CDH13: variants seen among roughly 807,000 people sequenced by gnomAD.
CDH13 encodes cadherin-13.
In CDH13, 24 loss-of-function variants were observed where a neutral mutation model predicts 63.8. The observed-to-expected ratio is 0.38, with a 90% CI of 0.27 to 0.53. The LOEUF (loss-of-function observed/expected upper bound fraction) is 0.53, where lower values mean the gene tolerates loss of function less well. Among genes scored for constraint, CDH13 ranks in the 20% least tolerant of loss-of-function variants. CDH13 has a pLI of 0.85. For synonymous variants in CDH13, 503 were observed against 355.3 expected, an observed-to-expected ratio of 1.42 and a Z score of -4.67; for missense variants, 1,049 against 903.1, an observed-to-expected ratio of 1.16 and a Z score of -2.07.
intron 11 of CDH13, among the ~76,000 whole-genome samples, chr16:83,754,579 A>G (rs1017267993): frequency 9.2e-5 from 14 of 152,306 alleles, no homozygotes; most frequent in African/African-American, 3.4e-4. Context: ...GAGATAATTG[A>G]ATCATGGGGG....
chr16:82,998,862 CTTTT>C (rs200853526), intron 2 of CDH13, among the ~76,000 whole-genome samples: 6 of 128,554 alleles, frequency 4.7e-5, no homozygotes, highest in African/African-American at 6.0e-5. Flanking sequence ...CCCCTTGATC[CTTTT>C]TTTTTTTTTT....
At chr16:83,458,523 G>T (rs1383757131) in intron 6 of CDH13, among the ~76,000 whole-genome samples, 2 of 152,162 alleles carry the variant, frequency 1.3e-5, no homozygotes, top group Non-Finnish European at 2.9e-5. Flanking sequence ...ATAGAATGGA[G>T]TTCATCTTAT....
intron 1 of CDH13, among the ~76,000 whole-genome samples, chr16:82,700,440 A>C (rs575276409): frequency 2.0e-5 from 3 of 152,334 alleles, no homozygotes; most frequent in Non-Finnish European, 4.4e-5. Context: ...TATAATGTAC[A>C]TAAGTGGACA....
chr16:83,580,840 T>A (rs1445986484), intron 7 of CDH13, among the ~76,000 whole-genome samples: 1 of 152,146 alleles, frequency 6.6e-6, no homozygotes, highest in Non-Finnish European at 1.5e-5. Flanking sequence ...TTTGTTCTTA[T>A]TAAAGTTTCC....
chr16:83,508,055 AGAAGGAAGGAAG>A (rs370660181), intron 7 of CDH13, among the ~76,000 whole-genome samples: 207 of 58,290 alleles, frequency 3.6e-3, no homozygotes, highest in East Asian at 0.019. Flanking sequence ...GAGAAAGAGA[AGAAGGAAGGAAG>A]GAAGGAAGGA....
chr16:82,679,087 G>A (rs1914256491), intron 1 of CDH13, among the ~76,000 whole-genome samples: 1 of 152,206 alleles, frequency 6.6e-6, no homozygotes, highest in African/African-American at 2.4e-5. Context: ...CTAGGACACG[G>A]TTCCCATTAT....
intron 2 of CDH13, among the ~76,000 whole-genome samples, chr16:82,960,529 C>A (rs547216563): frequency 6.6e-6 from 1 of 152,086 alleles, no homozygotes; most frequent in Non-Finnish European, 1.5e-5. Context: ...TAAATATGCC[C>A]GATGCAAAGC....
intron 3 of CDH13, among the ~76,000 whole-genome samples, chr16:83,059,887 T>G (rs1487361779): frequency 6.8e-6 from 1 of 147,842 alleles, no homozygotes; most frequent in Admixed American, 6.8e-5. Flanking sequence ...CTCCACCTCC[T>G]GGTTCTCGCC....
chr16:82,958,219 T>G (rs1906419959), intron 2 of CDH13, among the ~76,000 whole-genome samples: 1 of 152,162 alleles, frequency 6.6e-6, no homozygotes, highest in East Asian at 1.9e-4. Flanking sequence ...GAGAATAACT[T>G]GAATACCTAC....
intron 6 of CDH13, among the ~76,000 whole-genome samples, chr16:83,375,951 T>C (rs1395004489): frequency 6.6e-6 from 1 of 152,074 alleles, no homozygotes. Flanking sequence ...ATTAGGACTA[T>C]TAGGGTGAGT....
In CDH13 at chr16:83,449,569, C is replaced by A. The variant is rs17216637; in HGVS notation, c.782-36908C>A. 8.4e-3 allele frequency among the ~76,000 whole-genome samples: 1,280 copies of A among 152,292 alleles called. 9 individuals carry two copies. The highest frequency in any genetic ancestry group is 0.013 in the Non-Finnish European group (887 of 68,020). On this transcript the variant is annotated intron_variant, in intron 6 of 13. Transcript: ENST00000567109. ...CCTGGATTTCCAGTCCTTGGAATTTCGCTTCTACCAACAGTTCTTTCAGAG... is the reference window on the plus strand; with the variant it reads ...CCTGGATTTCCAGTCCTTGGAATTTAGCTTCTACCAACAGTTCTTTCAGAG...
chr16:82,942,063 A>G (rs924283072), intron 2 of CDH13, among the ~76,000 whole-genome samples: 1 of 151,954 alleles, frequency 6.6e-6, no homozygotes, highest in Non-Finnish European at 1.5e-5. Context: ...CTAATTATTT[A>G]TTTTTCCTAT....
chr16:82,812,113 C>T (rs1199922408), intron 1 of CDH13, among the ~76,000 whole-genome samples: 1 of 152,104 alleles, frequency 6.6e-6, no homozygotes, highest in Non-Finnish European at 1.5e-5. Context: ...CACTGCTTCC[C>T]CTAGCACCTC....
In CDH13 at chr16:83,081,458, A is replaced by C. The variant is rs749603448; in HGVS notation, c.367-43927A>C. On this transcript the variant is annotated intron_variant, in intron 3 of 13. Transcript: ENST00000567109. ...CCAGCGTTTAGAGAATAGGGTATAC[A>C]CATGCTTTTAAATGCACAGAGTGTA... Among the ~76,000 whole-genome samples the C allele has an allele frequency of 2.0e-5, 3 of 152,212 alleles. 1 individual carries two copies. The highest frequency in any genetic ancestry group is 1.3e-4 in the Admixed American group (2 of 15,288).
chr16:82,915,915 A>G (rs1369995817), intron 2 of CDH13, among the ~76,000 whole-genome samples: 3 of 150,986 alleles, frequency 2.0e-5, no homozygotes, highest in Non-Finnish European at 2.9e-5. Flanking sequence ...CAGGGAAGAG[A>G]TGTCTGAATT....
At chr16:82,998,859 A>G (rs1472598650) in intron 2 of CDH13, among the ~76,000 whole-genome samples, 1 of 114,570 alleles carries the variant, frequency 8.7e-6, no homozygotes, top group Non-Finnish European at 1.8e-5. Flanking sequence ...TTTCCCCTTG[A>G]TCCTTTTTTT....
chr16:83,490,180 A>G (rs1470854752), intron 7 of CDH13, among the ~76,000 whole-genome samples: 29 of 152,256 alleles, frequency 1.9e-4, no homozygotes, highest in Admixed American at 1.9e-3. Context: ...ACAATTTTTC[A>G]TCTTTATTTT....
chr16:83,333,025 C>T (rs187951448), intron 5 of CDH13, among the ~76,000 whole-genome samples: 3 of 152,224 alleles, frequency 2.0e-5, no homozygotes, highest in Non-Finnish European at 2.9e-5. Flanking sequence ...TAATTAATAA[C>T]CTAACAAGTA....
Position 83,379,006 on chromosome 16 carries a change from T to TATATACACACAC in CDH13, c.781+34001_781+34002insTATACACACACA, listed in dbSNP as rs540642910. On this transcript the variant is annotated intron_variant, in intron 6 of 13. Coordinates refer to ENST00000567109, the MANE Select transcript of CDH13 (RefSeq NM_001257.5). ...ACACATGCATCTATATATATATATA[T>TATATACACACAC]ACACACACACACACACACACGTGTG... Among the ~76,000 whole-genome samples, 78 of 149,026 alleles carry TATATACACACAC rather than the reference T, an allele frequency of 5.2e-4. No individual in the cohort carries two copies. In the Middle Eastern group the frequency reaches 0.011, roughly 20 times the overall value.
Sources: gnomAD v4.1 joint callset for allele counts (sites outside exome capture counted in the v4.1 genomes callset) on GRCh38, gnomAD v4.1.1 for gene constraint, MANE v1.5 for transcripts, NCBI Gene and HGNC (gene_info 2026-07-23, HGNC 2026-07-21) for gene names.